Variants in ABI2 observed in about 807,000 individuals in gnomAD.
ABI2 encodes abelson interactor 2.
Under a neutral mutation model 59.2 loss-of-function variants are expected in ABI2, and 25 were observed. That is an observed-to-expected ratio of 0.42 (90% CI 0.31 to 0.59). The LOEUF (loss-of-function observed/expected upper bound fraction) is 0.59, where lower values mean the gene tolerates loss of function less well. ABI2 is among the 20% of genes least tolerant of loss of function. The pLI, the probability that ABI2 is intolerant of heterozygous loss-of-function variation, is 0.14. For missense variants in ABI2, 545 were observed against 681.8 expected, an observed-to-expected ratio of 0.80 and a Z score of 2.23; for synonymous variants, 213 against 235.5, an observed-to-expected ratio of 0.90 and a Z score of 0.87.
Position 203,354,556 on chromosome 2 carries a change from TAGCC to T in ABI2, c.118-12318_118-12315del, listed in dbSNP as rs543089085. On this transcript the variant is annotated intron_variant, in intron 1 of 11. Transcript: ENST00000261018. ...TTACCCTGTCTGGAAGTTAACAGGT[TAGCC>T]AGGGAGTTTTGTAGATGCTGTGGCA... Among the ~76,000 whole-genome samples the T allele has an allele frequency of 2.0e-5, 3 of 152,348 alleles. No individual in the cohort carries two copies. In the South Asian group the frequency reaches 6.2e-4, roughly 32 times the overall value.
chr2:203,399,060 C>G (rs1559333235), intron 8 of ABI2, among the ~76,000 whole-genome samples: 1 of 151,872 alleles, frequency 6.6e-6, no homozygotes, highest in South Asian at 2.1e-4. Context: ...AGGTAAATAC[C>G]TAGGGAATAG....
chr2:203,396,859 A>G lies in ABI2; in HGVS notation c.925A>G (p.Thr309Ala). 6.5e-7 allele frequency: 1 copy of G among 1,534,608 alleles called. No individual in the cohort carries two copies. The highest frequency in any genetic ancestry group is 8.7e-7 in the Non-Finnish European group (1 of 1,146,396). Residue 309 changes from threonine to alanine, a missense_variant, in exon 8 of 12, where the codon ACT (threonine) becomes GCT (alanine). Physicochemically the swap from Thr to Ala is moderately conservative, Grantham distance 58 (BLOSUM62 0). Coordinates refer to ENST00000261018, the MANE Select transcript of ABI2 (RefSeq NM_001375670.1). ...TGCCCCTGCTCCTCTTGTTCCTGCT[A>G]CTGTCCCTTCCTCCACTGCCCCAGA... ...ASAPAPLVPA[T>A]VPSSTAPDAA...
intron 2 of ABI2, among the ~76,000 whole-genome samples, chr2:203,371,521 T>C (rs945662049): frequency 6.6e-6 from 1 of 152,244 alleles, no homozygotes; most frequent in Admixed American, 6.5e-5. Context: ...GGTTGGTTCT[T>C]AACATGGATT....
Position 203,428,775 on chromosome 2 carries a change from C to G in ABI2, c.*1423C>G, listed in dbSNP as rs1057180249. 2.0e-5 allele frequency: 3 copies of G among 152,262 alleles called. No homozygotes were observed. The highest frequency in any genetic ancestry group is 4.1e-4 in the South Asian group (2 of 4,828). 9.4% of individuals were successfully genotyped at this position (152,262 alleles called of 1,614,324 possible). ...TGGTCACTGTGATGTTGGGCCAGCT[C>G]CTGTTCAGGTCCAGAGCTGCTAACG... On this transcript the variant is annotated 3_prime_UTR_variant, in exon 12 of 12. Coordinates refer to ENST00000261018, the MANE Select transcript of ABI2 (RefSeq NM_001375670.1).
intron 1 of ABI2, among the ~76,000 whole-genome samples, chr2:203,348,596 CAAT>C (rs549230198): frequency 1.4e-3 from 212 of 152,246 alleles, no homozygotes; most frequent in African/African-American, 4.9e-3. Flanking sequence ...AAACATTCAA[CAAT>C]AATGTAATAT....
intron 4 of ABI2, among the ~76,000 whole-genome samples, chr2:203,383,729 T>C (rs756648398): frequency 1.6e-4 from 25 of 152,204 alleles, no homozygotes; most frequent in Admixed American, 1.5e-3. Context: ...GACCTGTGGA[T>C]TCTAGCAAGT....
intron 1 of ABI2, among the ~76,000 whole-genome samples, chr2:203,361,449 C>T (rs1022173002): frequency 7.9e-5 from 12 of 152,156 alleles, no homozygotes; most frequent in Admixed American, 3.9e-4. Context: ...ACCTGGGCAA[C>T]GTAGTAAGAC....
intron 8 of ABI2, among the ~76,000 whole-genome samples, chr2:203,399,530 G>A (rs1037551866): frequency 1.3e-5 from 2 of 151,768 alleles, no homozygotes; most frequent in African/African-American, 4.8e-5. Context: ...GAGGAGGGGC[G>A]GGCGGACAGA....
chr2:203,404,867 GA>G (rs2097362844), intron 9 of ABI2, among the ~76,000 whole-genome samples: 1 of 152,088 alleles, frequency 6.6e-6, no homozygotes, highest in Non-Finnish European at 1.5e-5. Context: ...CCTATACAGG[GA>G]TATTTCATGC....
At chr2:203,372,850 C>T (rs1159335175) in intron 2 of ABI2, among the ~76,000 whole-genome samples, 23 of 151,780 alleles carry the variant, frequency 1.5e-4, no homozygotes, top group Admixed American at 3.3e-4. Context: ...GCTGGGCGCC[C>T]TCATATCCCA....
At position 203,367,031 on chromosome 2, in the gene ABI2, A is replaced by G. The variant is rs756983744; in HGVS notation, c.272A>G (p.Asn91Ser). Residue 91 changes from asparagine to serine, a missense_variant, in exon 2 of 12, where the codon AAT becomes AGT. This residue lies in a region of ABI2 where 36 missense variants were observed against 80.0 expected (regional missense o/e 0.45). Coordinates refer to ENST00000261018, the MANE Select transcript of ABI2 (RefSeq NM_001375670.1). ...SQLRRMESSI[N>S]HISQTVDIHK... ...CTACGAAGGATGGAATCTTCAATCAATCATATTTCACAAGTGAGACCACAA... is the reference window on the plus strand; with the variant it reads ...CTACGAAGGATGGAATCTTCAATCAGTCATATTTCACAAGTGAGACCACAA... The G allele has an allele frequency of 1.9e-6, 3 of 1,613,376 alleles. No individual in the cohort carries two copies. Among genetic ancestry groups the G allele is most frequent in the East Asian group, 2.2e-5 (1 of 44,886 alleles).
At chr2:203,361,757 A>T (rs760335160) in intron 1 of ABI2, among the ~76,000 whole-genome samples, 4 of 152,230 alleles carry the variant, frequency 2.6e-5, no homozygotes, top group African/African-American at 4.8e-5. Context: ...AAGGGCCATT[A>T]ACATAGACAT....
chr2:203,403,868 C>T (rs1362065514), intron 9 of ABI2, among the ~76,000 whole-genome samples: 3 of 151,278 alleles, frequency 2.0e-5, no homozygotes, highest in African/African-American at 2.4e-5. Flanking sequence ...TCTCCTGCCT[C>T]AGCCTCCTGA....
At chr2:203,346,543 T>C (rs2083694752) in intron 1 of ABI2, among the ~76,000 whole-genome samples, 1 of 152,246 alleles carries the variant, frequency 6.6e-6, no homozygotes, top group Non-Finnish European at 1.5e-5. Context: ...ACGTTTTCCC[T>C]TGTCATAATT....
intron 1 of ABI2, among the ~76,000 whole-genome samples, chr2:203,337,540 G>A (rs886101495): frequency 2.6e-5 from 4 of 152,172 alleles, no homozygotes; most frequent in African/African-American, 7.2e-5. Context: ...TGGTAGATTT[G>A]ATATTGTTAA....
intron 1 of ABI2, among the ~76,000 whole-genome samples, chr2:203,339,580 CAAAAAA>C (rs943110280): frequency 1.6e-3 from 95 of 59,140 alleles, no homozygotes; most frequent in South Asian, 0.012. Context: ...GACTCCGTCT[CAAAAAA>C]AAAAAAAAAA....
At chr2:203,330,197 T>G (rs2072131439) in intron 1 of ABI2, among the ~76,000 whole-genome samples, 1 of 67,770 alleles carries the variant, frequency 1.5e-5, no homozygotes, top group African/African-American at 3.7e-5. Flanking sequence ...AACATTTGTA[T>G]TTGAGAATGA....
At chr2:203,410,655 G>A (rs1203442129) in intron 9 of ABI2, among the ~76,000 whole-genome samples, 1 of 152,160 alleles carries the variant, frequency 6.6e-6, no homozygotes, top group African/African-American at 2.4e-5. Flanking sequence ...CATAGCACCC[G>A]ATTCTCAGAG....
intron 1 of ABI2, among the ~76,000 whole-genome samples, chr2:203,338,554 C>G (rs909725783): frequency 1.3e-5 from 2 of 152,078 alleles, no homozygotes; most frequent in African/African-American, 4.8e-5. Flanking sequence ...GATTACACCT[C>G]ACCAGAAGTA....
Sources: gnomAD v4.1 joint callset for allele counts (sites outside exome capture counted in the v4.1 genomes callset) on GRCh38, gnomAD v4.1.1 for gene constraint, gnomAD v4.1.1 regional missense constraint, MANE v1.5 for transcripts, NCBI Gene and HGNC (gene_info 2026-07-23, HGNC 2026-07-21) for gene names.